The following GRIN2A variants were observed in gnomAD, a reference collection of about 807,000 sequenced individuals.
GRIN2A encodes glutamate ionotropic receptor NMDA type subunit 2A.
In GRIN2A, 22 loss-of-function variants were observed where a neutral mutation model predicts 113.4. The observed-to-expected ratio is 0.19, with a 90% CI of 0.14 to 0.28. GRIN2A has a LOEUF of 0.28. GRIN2A is among the 10% of genes least tolerant of loss of function. The pLI, the probability that GRIN2A is intolerant of heterozygous loss-of-function variation, is 1.00. For missense variants in GRIN2A, 1,502 were observed against 1,887.0 expected, an observed-to-expected ratio of 0.80 and a Z score of 3.78; for synonymous variants, 827 against 738.4, an observed-to-expected ratio of 1.12 and a Z score of -1.94.
intron 2 of GRIN2A, among the ~76,000 whole-genome samples, chr16:10,044,022 T>TATATATATATATATAGAGAG (rs531659457): frequency 5.6e-5 from 6 of 108,004 alleles, no homozygotes; most frequent in Non-Finnish European, 1.1e-4. Flanking sequence ...TATATATATA[T>TATATATATATATATAGAGAG]AGAGAGAGAG....
At chr16:9,873,495 G>A (rs893970449) in intron 4 of GRIN2A, among the ~76,000 whole-genome samples, 1 of 152,098 alleles carries the variant, frequency 6.6e-6, no homozygotes, top group African/African-American at 2.4e-5. Flanking sequence ...GAGCTCAGGA[G>A]TTTGAGACCA....
intron 2 of GRIN2A, among the ~76,000 whole-genome samples, chr16:10,009,989 C>T (rs984805808): frequency 3.3e-5 from 5 of 152,250 alleles, no homozygotes; most frequent in Admixed American, 2.0e-4. Context: ...TGCACAGTCA[C>T]TTGTCTTGGG....
intron 11 of GRIN2A, among the ~76,000 whole-genome samples, chr16:9,774,291 C>G (rs1901468798): frequency 6.6e-6 from 1 of 152,184 alleles, no homozygotes; most frequent in Non-Finnish European, 1.5e-5. Flanking sequence ...GTAGAAAACA[C>G]TAGAATGAGA....
chr16:10,078,222 T>C (rs2142048492), intron 2 of GRIN2A, among the ~76,000 whole-genome samples: 1 of 152,316 alleles, frequency 6.6e-6, no homozygotes, highest in Middle Eastern at 3.4e-3. Flanking sequence ...TCATAACATG[T>C]GAGACACTGT....
chr16:10,082,939 G>A (rs1303781119), intron 2 of GRIN2A, among the ~76,000 whole-genome samples: 1 of 39,376 alleles, frequency 2.5e-5, no homozygotes, highest in African/African-American at 5.2e-5. Flanking sequence ...TTCTTTTCCT[G>A]TCATTCTTTT....
intron 3 of GRIN2A, among the ~76,000 whole-genome samples, chr16:9,908,769 G>C (rs2044076407): frequency 6.6e-6 from 1 of 152,240 alleles, no homozygotes; most frequent in Admixed American, 6.5e-5. Context: ...GAGAGCAAGA[G>C]AGAGTGGCAA....
chr16:10,164,236 C>T (rs2049861639), intron 2 of GRIN2A, among the ~76,000 whole-genome samples: 1 of 152,230 alleles, frequency 6.6e-6, no homozygotes, highest in African/African-American at 2.4e-5. Context: ...ACTGGCAAGT[C>T]GAGGCCGTGG....
chr16:9,817,505 C>T (rs8058276), intron 10 of GRIN2A, among the ~76,000 whole-genome samples: 47,952 of 152,080 alleles, frequency 0.32, 8,449 homozygotes, highest in African/African-American at 0.48. Flanking sequence ...CAGTTGTTTG[C>T]ATATGTGGTT....
intron 2 of GRIN2A, among the ~76,000 whole-genome samples, chr16:10,130,643 A>T (rs56132183): frequency 6.6e-6 from 1 of 152,210 alleles, no homozygotes; most frequent in Non-Finnish European, 1.5e-5. Context: ...GCATCCAAAC[A>T]TCACATGATG....
Position 9,761,686 on chromosome 16 carries a change from G to A in GRIN2A, c.*1463C>T, listed in dbSNP as rs567206005. The A allele has an allele frequency of 1.4e-4, 32 of 226,710 alleles. No individual in the cohort carries two copies. In the South Asian group the frequency reaches 1.5e-3, roughly 10 times the overall value. The allele number at this position is 226,710 out of a possible 1,614,324, so 14.0% of individuals were successfully genotyped here. A position where few individuals can be genotyped will look rare whatever the true frequency, so the allele number is the denominator to read the frequency against. ...GGCACTGTGCTAACAGGCTCCCCAT[G>A]CATAAGTATTCCCCTCTCTGTCTCT... is the stretch of plus-strand genomic sequence containing the variant. On this transcript the variant is annotated 3_prime_UTR_variant, in exon 13 of 13. Coordinates refer to ENST00000330684, the MANE Select transcript of GRIN2A (RefSeq NM_001134407.3).
chr16:9,787,283 T>C (rs1038366711), intron 11 of GRIN2A, among the ~76,000 whole-genome samples: 7 of 152,218 alleles, frequency 4.6e-5, no homozygotes, highest in African/African-American at 1.7e-4. Flanking sequence ...CACAACTCCT[T>C]CTCTTAACCC....
intron 11 of GRIN2A, among the ~76,000 whole-genome samples, chr16:9,778,934 T>C (rs1901776021): frequency 6.6e-6 from 1 of 152,166 alleles, no homozygotes; most frequent in African/African-American, 2.4e-5. Flanking sequence ...TACACCACCA[T>C]ATAGAAAATA....
chr16:9,992,941 G>A (rs924926518), intron 2 of GRIN2A, among the ~76,000 whole-genome samples: 2 of 152,100 alleles, frequency 1.3e-5, no homozygotes, highest in Non-Finnish European at 2.9e-5. Context: ...TAAGGCCGGT[G>A]GCGGTGGCTC....
intron 4 of GRIN2A, among the ~76,000 whole-genome samples, chr16:9,862,269 G>A (rs2043082530): frequency 6.6e-6 from 1 of 152,152 alleles, no homozygotes; most frequent in African/African-American, 2.4e-5. Context: ...ATTCCTCTCA[G>A]TTGAAATTTC....
intron 4 of GRIN2A, among the ~76,000 whole-genome samples, chr16:9,889,316 C>A (rs1238812780): frequency 6.6e-6 from 1 of 151,574 alleles, no homozygotes; most frequent in East Asian, 1.9e-4. Flanking sequence ...AGTGATAGTC[C>A]CTCTTGCATT....
chr16:9,975,381 C>G (rs2045755751), intron 2 of GRIN2A, among the ~76,000 whole-genome samples: 1 of 152,160 alleles, frequency 6.6e-6, no homozygotes. Context: ...CTTTCTCCAG[C>G]TGGAGTCAGA....
At chr16:9,921,583 A>C (rs2044359765) in intron 3 of GRIN2A, among the ~76,000 whole-genome samples, 1 of 152,262 alleles carries the variant, frequency 6.6e-6, no homozygotes, top group Admixed American at 6.5e-5. Context: ...AAGATGGTGC[A>C]TGTGAAAATC....
intron 2 of GRIN2A, among the ~76,000 whole-genome samples, chr16:10,004,000 G>T (rs575529050): frequency 6.6e-6 from 1 of 152,086 alleles, no homozygotes; most frequent in Non-Finnish European, 1.5e-5. Flanking sequence ...TTACTGTCCT[G>T]GTTCCCTGTG....
At chr16:9,825,922 G>A (rs950552073) in intron 9 of GRIN2A, among the ~76,000 whole-genome samples, 1 of 151,748 alleles carries the variant, frequency 6.6e-6, no homozygotes, top group Admixed American at 6.6e-5. Flanking sequence ...TCAGGCCCCA[G>A]AAGCCAAGAA....
Sources: gnomAD v4.1 joint callset for allele counts (sites outside exome capture counted in the v4.1 genomes callset) on GRCh38, gnomAD v4.1.1 for gene constraint, MANE v1.5 for transcripts, NCBI Gene and HGNC (gene_info 2026-07-23, HGNC 2026-07-21) for gene names.